The following AFG2A variants were observed in gnomAD, a reference collection of about 807,000 sequenced individuals.
AFG2A encodes AAA ATPase AFG2A.
the AFG2A span, among the ~76,000 whole-genome samples, chr4:122,992,436 T>C: frequency 2.6e-5 from 4 of 152,258 alleles, no homozygotes; most frequent in African/African-American, 9.6e-5. Flanking sequence ...TCAACATTTC[T>C]GTAATTAGAT....
chr4:123,284,664 T>A, the AFG2A span, among the ~76,000 whole-genome samples: 3 of 152,176 alleles, frequency 2.0e-5, no homozygotes, highest in African/African-American at 7.2e-5. Flanking sequence ...TTGGGGGTAC[T>A]ACATTTTGGG....
the AFG2A span, among the ~76,000 whole-genome samples, chr4:122,973,817 A>G: frequency 1.3e-5 from 2 of 152,184 alleles, no homozygotes; most frequent in Admixed American, 6.5e-5. Context: ...AGCTAGGACT[A>G]TAGGCACATG....
chr4:123,089,646 G>A, the AFG2A span, among the ~76,000 whole-genome samples: 11 of 151,808 alleles, frequency 7.2e-5, no homozygotes, highest in South Asian at 2.1e-4. Flanking sequence ...GTGCAGTGGC[G>A]TGATCTCCGC....
chr4:123,043,580 T>C, the AFG2A span, among the ~76,000 whole-genome samples: 12 of 152,206 alleles, frequency 7.9e-5, no homozygotes, highest in Non-Finnish European at 1.6e-4. Flanking sequence ...AGTCATTTAG[T>C]CTATCCCTAA....
At chr4:123,050,675 A>G in the AFG2A span, among the ~76,000 whole-genome samples, 1 of 149,772 alleles carries the variant, frequency 6.7e-6, no homozygotes, top group African/African-American at 2.5e-5. Flanking sequence ...CCATTCCTTC[A>G]CTGTTAGTCT....
chr4:123,114,648 G>A, the AFG2A span, among the ~76,000 whole-genome samples: 8 of 152,344 alleles, frequency 5.3e-5, no homozygotes, highest in East Asian at 1.4e-3. Context: ...GAGAGCACCA[G>A]GAGACCCAGG....
the AFG2A span, among the ~76,000 whole-genome samples, chr4:123,142,776 A>T: frequency 6.6e-6 from 1 of 152,152 alleles, no homozygotes; most frequent in East Asian, 1.9e-4. Flanking sequence ...TTCCCTTAAA[A>T]ATAATCTGCA....
the AFG2A span, among the ~76,000 whole-genome samples, chr4:123,111,288 G>A: frequency 6.6e-6 from 1 of 152,046 alleles, no homozygotes; most frequent in Admixed American, 6.5e-5. Context: ...TTCTGACTTA[G>A]CATAGAGTTT....
the AFG2A span, among the ~76,000 whole-genome samples, chr4:123,284,885 T>C: frequency 5.3e-5 from 8 of 152,188 alleles, no homozygotes; most frequent in Non-Finnish European, 1.0e-4. Flanking sequence ...TAGTTTGAGA[T>C]TTTAACAGCA....
the AFG2A span, chr4:122,929,240 C>T: frequency 2.0e-6 from 3 of 1,499,336 alleles, no homozygotes; most frequent in Non-Finnish European, 2.7e-6. Flanking sequence ...CAAAGCTGCC[C>T]AGTAGAAATA....
At chr4:123,219,468 C>T in the AFG2A span, among the ~76,000 whole-genome samples, 1 of 152,174 alleles carries the variant, frequency 6.6e-6, no homozygotes, top group Non-Finnish European at 1.5e-5. Context: ...ATCTAGGCAT[C>T]CCTCGGTTCA....
the AFG2A span, among the ~76,000 whole-genome samples, chr4:123,281,434 G>A: frequency 1.7e-4 from 26 of 152,284 alleles, no homozygotes; most frequent in Admixed American, 1.7e-3. Flanking sequence ...AATCCAGAGA[G>A]TAGCTGATCT....
At chr4:123,307,502 G>A in the AFG2A span, among the ~76,000 whole-genome samples, 58 of 152,250 alleles carry the variant, frequency 3.8e-4, no homozygotes, top group East Asian at 6.8e-3. Flanking sequence ...AGTTTCTGTA[G>A]TATTCATTCC....
the AFG2A span, among the ~76,000 whole-genome samples, chr4:123,055,864 G>A: frequency 6.6e-6 from 1 of 152,190 alleles, no homozygotes; most frequent in South Asian, 2.1e-4. Context: ...ATAACTTCTT[G>A]TGGTGACTGT....
At chr4:123,214,183 T>C in the AFG2A span, among the ~76,000 whole-genome samples, 2 of 152,178 alleles carry the variant, frequency 1.3e-5, no homozygotes, top group African/African-American at 4.8e-5. Flanking sequence ...ATTACATAGA[T>C]ATAAGTATTC....
chr4:123,147,370 G>A, the AFG2A span, among the ~76,000 whole-genome samples: 1 of 152,010 alleles, frequency 6.6e-6, no homozygotes, highest in Non-Finnish European at 1.5e-5. Context: ...CAGGTATTAC[G>A]TTTGAGAGAA....
At chr4:123,082,449 G>A in the AFG2A span, among the ~76,000 whole-genome samples, 3 of 151,712 alleles carry the variant, frequency 2.0e-5, no homozygotes, top group Admixed American at 6.6e-5. Context: ...TATTTATGTG[G>A]GTCTATTTCT....
chr4:123,097,949 A>G, the AFG2A span, among the ~76,000 whole-genome samples: 1 of 152,154 alleles, frequency 6.6e-6, no homozygotes, highest in Non-Finnish European at 1.5e-5. Context: ...TTTGTGACAT[A>G]TGAAAATTAT....
the AFG2A span, among the ~76,000 whole-genome samples, chr4:123,131,125 T>A: frequency 6.6e-6 from 1 of 152,166 alleles, no homozygotes; most frequent in Non-Finnish European, 1.5e-5. Context: ...TTTCTTTACG[T>A]ATTCTGGATC....
Sources: gnomAD v4.1 joint callset for allele counts (sites outside exome capture counted in the v4.1 genomes callset) on GRCh38, gnomAD v4.1.1 for gene constraint, MANE v1.5 for transcripts, NCBI Gene and HGNC (gene_info 2026-07-23, HGNC 2026-07-21) for gene names.